SH3RF3: variants seen among roughly 807,000 people sequenced by gnomAD.
SH3RF3 encodes the protein E3 ubiquitin-protein ligase SH3RF3.
A neutral mutation model predicts 66.3 loss-of-function variants in SH3RF3; 29 were observed. The observed-to-expected ratio is 0.44, with a 90% confidence interval of 0.33 to 0.60. The LOEUF (loss-of-function observed/expected upper bound fraction) is 0.60, where lower values mean the gene tolerates loss of function less well. SH3RF3 is among the 20% of genes least tolerant of loss of function. The pLI is 0.04. For missense variants in SH3RF3, 1,194 were observed against 1,190.9 expected (o/e 1.00, Z -0.04); for synonymous variants, 583 against 532.0 (o/e 1.10, Z -1.32).
chr2:109,151,210 A>G (rs564696197), intron 1 of SH3RF3, among the ~76,000 whole-genome samples: 1 of 152,326 alleles, frequency 6.6e-6, no homozygotes, highest in South Asian at 2.1e-4. Flanking sequence ...GTGGCCCAGG[A>G]CACTGAGGTA....
At chr2:109,491,211 T>G (rs1679124424) in intron 9 of SH3RF3, among the ~76,000 whole-genome samples, 1 of 152,166 alleles carries the variant, frequency 6.6e-6, no homozygotes, top group Non-Finnish European at 1.5e-5. Context: ...ACCAAGTGTT[T>G]CTGAGTGCAA....
intron 3 of SH3RF3, among the ~76,000 whole-genome samples, chr2:109,373,292 C>T (rs937235212): frequency 6.6e-6 from 1 of 152,236 alleles, no homozygotes; most frequent in Non-Finnish European, 1.5e-5. Context: ...AGCTCTCGGA[C>T]ATTTTTAGCT....
At chr2:109,341,651 C>CTTG (rs1682555607) in intron 1 of SH3RF3, among the ~76,000 whole-genome samples, 1 of 152,264 alleles carries the variant, frequency 6.6e-6, no homozygotes, top group African/African-American at 2.4e-5. Context: ...CAAGGTCACC[C>CTTG]CAAGACCCAG....
chr2:109,496,567 C>T lies in SH3RF3; in HGVS notation c.2481-4936C>T, dbSNP rs140930922. Among the ~76,000 whole-genome samples, 300 of 152,306 alleles carry T rather than the reference C, an allele frequency of 2.0e-3. 4 individuals are homozygous for T. The East Asian group carries it at 0.045, about 23-fold the overall frequency. ...GAGGGCACCTGCAGCACGGCCTGGC[C>T]GACTCCTGCCCCTTTGACCTGCTTC... On this transcript the variant is annotated intron_variant, in intron 9 of 9. Coordinates refer to ENST00000309415, the MANE Select transcript of SH3RF3 (RefSeq NM_001099289.3).
At chr2:109,381,291 T>C (rs143979404) in intron 3 of SH3RF3, among the ~76,000 whole-genome samples, 173 of 152,388 alleles carry the variant, frequency 1.1e-3, no homozygotes, top group African/African-American at 4.1e-3. Flanking sequence ...TCCAGACTGC[T>C]TCTCCCCTAG....
intron 1 of SH3RF3, among the ~76,000 whole-genome samples, chr2:109,331,485 C>T (rs184208566): frequency 1.5e-3 from 235 of 152,194 alleles, no homozygotes; most frequent in African/African-American, 4.9e-3. Flanking sequence ...TCAGGGCTCC[C>T]GCGTCTACTC....
intron 1 of SH3RF3, among the ~76,000 whole-genome samples, chr2:109,236,487 T>C (rs1558973702): frequency 6.6e-6 from 1 of 152,196 alleles, no homozygotes; most frequent in African/African-American, 2.4e-5. Context: ...TCAGAAAAGG[T>C]GGTCTTCTTG....
intron 2 of SH3RF3, among the ~76,000 whole-genome samples, chr2:109,350,129 G>T (rs1682808674): frequency 6.6e-6 from 1 of 152,222 alleles, no homozygotes; most frequent in African/African-American, 2.4e-5. Flanking sequence ...TATTTCACAA[G>T]AAACAGTGAA....
At chr2:109,352,099 G>T (rs1352139257) in intron 2 of SH3RF3, among the ~76,000 whole-genome samples, 1 of 152,192 alleles carries the variant, frequency 6.6e-6, no homozygotes, top group Admixed American at 6.5e-5. Context: ...TAGTGTTTGA[G>T]TTGCTTTTTT....
Position 109,418,878 on chromosome 2 carries a change from T to C in SH3RF3, c.1300-661T>C, listed in dbSNP as rs566147725. Among the ~76,000 whole-genome samples the C allele has an allele frequency of 2.6e-5, 4 of 152,144 alleles. No individual in the cohort carries two copies. The East Asian group carries it at 7.8e-4, about 30-fold the overall frequency. On this transcript the variant is annotated intron_variant, in intron 4 of 9. Transcript: ENST00000309415. ...GCCCTGCATGGGCTGGGACTAAGGA[T>C]TCTCTATGTAGGAATTCCCTTGGCA...
intron 8 of SH3RF3, among the ~76,000 whole-genome samples, chr2:109,458,440 A>G (rs575031389): frequency 2.0e-5 from 3 of 152,118 alleles, no homozygotes; most frequent in African/African-American, 4.8e-5. Context: ...TCACCTTACA[A>G]CTCCCCTAGA....
chr2:109,441,190 A>G (rs1234590981), intron 7 of SH3RF3, among the ~76,000 whole-genome samples: 4 of 152,054 alleles, frequency 2.6e-5, no homozygotes, highest in East Asian at 1.9e-4. Flanking sequence ...CTGATGTCCA[A>G]TAAAAAATTA....
At chr2:109,158,741 T>C (rs1677413821) in intron 1 of SH3RF3, among the ~76,000 whole-genome samples, 1 of 152,242 alleles carries the variant, frequency 6.6e-6, no homozygotes, top group Non-Finnish European at 1.5e-5. Flanking sequence ...TAACACATAT[T>C]CTGGAAGTTG....
chr2:109,224,165 AGT>A (rs1327317041), intron 1 of SH3RF3, among the ~76,000 whole-genome samples: 3 of 152,040 alleles, frequency 2.0e-5, no homozygotes, highest in Admixed American at 6.5e-5. Context: ...AGGCCTAGAG[AGT>A]GTGTGTGCAT....
At chr2:109,335,179 C>T (rs935253032) in intron 1 of SH3RF3, among the ~76,000 whole-genome samples, 2 of 152,252 alleles carry the variant, frequency 1.3e-5, no homozygotes, top group Non-Finnish European at 1.5e-5. Context: ...CTGTTCCTTG[C>T]GCCTGATCTA....
At chr2:109,437,466 A>T (rs988414887) in intron 7 of SH3RF3, among the ~76,000 whole-genome samples, 2 of 152,202 alleles carry the variant, frequency 1.3e-5, no homozygotes, top group African/African-American at 4.8e-5. Flanking sequence ...ATATTTACAC[A>T]TTTCATTGTG....
At chr2:109,474,291 C>T (rs1678614651) in intron 8 of SH3RF3, among the ~76,000 whole-genome samples, 1 of 152,114 alleles carries the variant, frequency 6.6e-6, no homozygotes, top group African/African-American at 2.4e-5. Context: ...AAGTTTTGAG[C>T]CGGACAGTTA....
intron 1 of SH3RF3, among the ~76,000 whole-genome samples, chr2:109,268,599 A>C (rs1680554999): frequency 6.6e-6 from 1 of 152,160 alleles, no homozygotes; most frequent in Non-Finnish European, 1.5e-5. Context: ...GAGGTCCCCC[A>C]CTGAACAATT....
chr2:109,463,678 A>G (rs1235510316), intron 8 of SH3RF3, among the ~76,000 whole-genome samples: 3 of 152,210 alleles, frequency 2.0e-5, no homozygotes, highest in Admixed American at 6.5e-5. Flanking sequence ...GGAGATGTTC[A>G]TGTTTGTTTC....
Sources: gnomAD v4.1 joint callset for allele counts (sites outside exome capture counted in the v4.1 genomes callset) on GRCh38, gnomAD v4.1.1 for gene constraint, MANE v1.5 for transcripts, NCBI Gene and HGNC (gene_info 2026-07-23, HGNC 2026-07-21) for gene names.